RFTN1: variants seen among roughly 807,000 people sequenced by gnomAD.
The protein encoded by RFTN1 is raftlin, lipid raft linker 1.
Under a neutral mutation model 46.5 loss-of-function variants are expected in RFTN1, and 26 were observed. The ratio of observed to expected loss-of-function variants is 0.56; its 90% confidence interval spans 0.41 to 0.78. The LOEUF is 0.78. RFTN1 is among the 30% of genes least tolerant of loss of function. RFTN1 has a pLI of 0.00. For missense variants in RFTN1, 693 were observed against 718.7 expected, an observed-to-expected ratio of 0.96 and a Z score of 0.41; for synonymous variants, 261 against 284.2, an observed-to-expected ratio of 0.92 and a Z score of 0.82.
At chr3:16,420,547 C>T (rs2075164720) in intron 3 of RFTN1, among the ~76,000 whole-genome samples, 1 of 152,140 alleles carries the variant, frequency 6.6e-6, no homozygotes, top group South Asian at 2.1e-4. Context: ...TGCACATGTT[C>T]CACATTAAAC....
At position 16,317,547 on chromosome 3, in the gene RFTN1, A is replaced by AT. The variant is rs993418841; in HGVS notation, c.1333-316dup. Among the ~76,000 whole-genome samples the AT allele has an allele frequency of 1.2e-4, 18 of 152,190 alleles. No individual in the cohort carries two copies. The highest frequency in any genetic ancestry group is 8.5e-4 in the Admixed American group (13 of 15,276). ...AGGAAAGGGCTCCTAAAGTCCTATC[A>AT]TTTGGAGGGCCAGGATGGAGAGGAG... is the stretch of plus-strand genomic sequence containing the variant. On this transcript the variant is annotated intron_variant, in intron 9 of 9. Transcript: ENST00000334133. The surrounding 1 kb of genome is among the most constrained non-coding windows in gnomAD (Gnocchi z 4.3).
At chr3:16,445,481 T>TCACACACACACACA (rs752631378) in intron 2 of RFTN1, among the ~76,000 whole-genome samples, 51 of 54,948 alleles carry the variant, frequency 9.3e-4, no homozygotes, top group African/African-American at 3.4e-3. Flanking sequence ...TCTCTCTCTC[T>TCACACACACACACA]CTCACACACA....
chr3:16,423,395 CAAT>C (rs2075229441), intron 3 of RFTN1, among the ~76,000 whole-genome samples: 1 of 152,112 alleles, frequency 6.6e-6, no homozygotes, highest in Non-Finnish European at 1.5e-5. Flanking sequence ...TCCAAAATGT[CAAT>C]AGTACCAAGG....
chr3:16,344,838 G>A lies in RFTN1; in HGVS notation c.1146+13094C>T, dbSNP rs1377929724. 6.6e-6 allele frequency among the ~76,000 whole-genome samples: 1 copy of A among 152,158 alleles called. No homozygotes were observed. The highest frequency in any genetic ancestry group is 2.4e-5 in the African/African-American group (1 of 41,428). On this transcript the variant is annotated intron_variant, in intron 7 of 9. Coordinates refer to ENST00000334133, the MANE Select transcript of RFTN1 (RefSeq NM_015150.2). This position sits in a 1 kb window ranked among gnomAD's most constrained non-coding sequence, Gnocchi z 4.4. ...GTGAATTTCAAAGAACATATTTCAAGGAGTGGTAGTGAGTGAACACATAAC... is the reference window on the plus strand; with the variant it reads ...GTGAATTTCAAAGAACATATTTCAAAGAGTGGTAGTGAGTGAACACATAAC...
intron 9 of RFTN1, among the ~76,000 whole-genome samples, chr3:16,319,604 G>A (rs1177000842): frequency 6.6e-6 from 1 of 152,142 alleles, no homozygotes; most frequent in Non-Finnish European, 1.5e-5. Flanking sequence ...CTCTCTCCGG[G>A]GCTGCTCTTG....
intron 4 of RFTN1, among the ~76,000 whole-genome samples, chr3:16,388,808 C>CA (rs1575206512): frequency 6.6e-6 from 1 of 152,056 alleles, no homozygotes; most frequent in Non-Finnish European, 1.5e-5. Context: ...ATGTAGGTCC[C>CA]AAAAAACAAA....
rs1235710510 is a variant in RFTN1 at position 16,447,586 on chromosome 3, G to A, written c.146-13549C>T. Reference sequence around the variant, plus strand: ...TCCCTAATGGTGTTTGGGGGCACATGCACATGTCCCTCCCAGCTGCCTTCT... The same window carrying A: ...TCCCTAATGGTGTTTGGGGGCACATACACATGTCCCTCCCAGCTGCCTTCT... On this transcript the variant is annotated intron_variant, in intron 2 of 9. Transcript: ENST00000334133. This position sits in a 1 kb window ranked among gnomAD's most constrained non-coding sequence, Gnocchi z 5.9. 6.6e-6 allele frequency among the ~76,000 whole-genome samples: 1 copy of A among 152,200 alleles called. No homozygotes were observed. Among genetic ancestry groups the A allele is most frequent in the Non-Finnish European group, 1.5e-5 (1 of 68,028 alleles).
rs1206349331 is a variant in RFTN1, at chr3:16,442,268, T to C, written c.146-8231A>G. On this transcript the variant is annotated intron_variant, in intron 2 of 9. Transcript: ENST00000334133. This position sits in a 1 kb window ranked among gnomAD's most constrained non-coding sequence, Gnocchi z 4.1. ...TTTTAAAGTGAACTATTTGGTGGCG[T>C]TTAGTATCTTCATGATGTTGCACAA... Among the ~76,000 whole-genome samples the C allele has an allele frequency of 6.6e-6, 1 of 152,192 alleles. No individual in the cohort carries two copies. The highest frequency in any genetic ancestry group is 1.5e-5 in the Non-Finnish European group (1 of 68,030).
chr3:16,482,397 A>G (rs1392977738), intron 2 of RFTN1, among the ~76,000 whole-genome samples: 1 of 152,206 alleles, frequency 6.6e-6, no homozygotes, highest in East Asian at 1.9e-4. Flanking sequence ...TCACCAAAAC[A>G]TGCAGCCAAA....
At position 16,334,275 on chromosome 3, in the gene RFTN1, G is replaced by A. The variant is rs1186563945; in HGVS notation, c.1147-7399C>T. Among the ~76,000 whole-genome samples, 1 of 152,206 alleles carries A rather than the reference G, an allele frequency of 6.6e-6. No individual in the cohort carries two copies. The highest frequency in any genetic ancestry group is 1.5e-5 in the Non-Finnish European group (1 of 68,046). The stretch of plus-strand genomic sequence containing the variant: ...GTTAGGCAGCCCGCTTTGTTGCCAA[G>A]GCCGTGGGGAAGCATGCGTTCTTGT... On this transcript the variant is annotated intron_variant, in intron 7 of 9. Transcript: ENST00000334133. This position sits in a 1 kb window ranked among gnomAD's most constrained non-coding sequence, Gnocchi z 4.3.
chr3:16,428,150 A>T lies in RFTN1; in HGVS notation c.332+5701T>A, dbSNP rs2075319855. Among the ~76,000 whole-genome samples, 1 of 152,246 alleles carries T rather than the reference A, an allele frequency of 6.6e-6. No homozygotes were observed. ...ATCCAAACAAAAGGGATAAATGTTT[A>T]CCACTTAAAACAGTGCCAGTTATTC... On this transcript the variant is annotated intron_variant, in intron 3 of 9. Coordinates refer to ENST00000334133, the MANE Select transcript of RFTN1 (RefSeq NM_015150.2). The surrounding 1 kb of genome is among the most constrained non-coding windows in gnomAD (Gnocchi z 4.7).
Position 16,509,193 on chromosome 3 carries a change from C to G in RFTN1, c.-9+4249G>C, listed in dbSNP as rs2076859066. ...CAGTAAGCTTAAGACAAAATGAAAA[C>G]AAACAAACAACAACAAAAAAAAACT... On this transcript the variant is annotated intron_variant, in intron 1 of 9. Coordinates refer to ENST00000334133, the MANE Select transcript of RFTN1 (RefSeq NM_015150.2). This position sits in a 1 kb window ranked among gnomAD's most constrained non-coding sequence, Gnocchi z 4.9. Among the ~76,000 whole-genome samples, 1 of 151,926 alleles carries G rather than the reference C, an allele frequency of 6.6e-6. No homozygotes were observed. Among genetic ancestry groups the G allele is most frequent in the Non-Finnish European group, 1.5e-5 (1 of 67,984 alleles).
At chr3:16,357,862 C>T in intron 7 of RFTN1, 70 bp downstream of exon 7, 1 of 954,914 alleles carries the variant, frequency 1.0e-6, no homozygotes. Flanking sequence ...GCCCCACGGT[C>T]AGATCAAGCA....
At chr3:16,493,463 C>T (rs962690178) in intron 2 of RFTN1, among the ~76,000 whole-genome samples, 3 of 152,170 alleles carry the variant, frequency 2.0e-5, no homozygotes, top group Non-Finnish European at 2.9e-5. Context: ...GAACTCCTGA[C>T]CTCAGGTGAT....
chr3:16,511,985 A>C (rs2125019795), intron 1 of RFTN1, among the ~76,000 whole-genome samples: 1 of 152,136 alleles, frequency 6.6e-6, no homozygotes, highest in East Asian at 1.9e-4. Flanking sequence ...GCTTTGAATC[A>C]CTCAGGCGGG....
chr3:16,456,963 C>G (rs958084111), intron 2 of RFTN1, among the ~76,000 whole-genome samples: 3 of 152,100 alleles, frequency 2.0e-5, no homozygotes, highest in African/African-American at 4.8e-5. Context: ...CCACTTCTGT[C>G]ATAAAAACAA....
At position 16,342,134 on chromosome 3, in the gene RFTN1, T is replaced by C. The variant is rs1381146074; in HGVS notation, c.1147-15258A>G. Among the ~76,000 whole-genome samples, 1 of 152,166 alleles carries C rather than the reference T, an allele frequency of 6.6e-6. No individual in the cohort carries two copies. The highest frequency in any genetic ancestry group is 6.5e-5 in the Admixed American group (1 of 15,276). ...CAGAGTTATACAACCATCACCACAA[T>C]CTAAGTTTAGACCACTTTCATCACC... On this transcript the variant is annotated intron_variant, in intron 7 of 9. Transcript: ENST00000334133. The surrounding 1 kb of genome is among the most constrained non-coding windows in gnomAD (Gnocchi z 4.0).
intron 6 of RFTN1, among the ~76,000 whole-genome samples, chr3:16,365,525 G>T (rs796864430): frequency 5.6e-4 from 76 of 135,674 alleles, no homozygotes; most frequent in African/African-American, 2.1e-3. Flanking sequence ...GGATATGCTA[G>T]GTGTCAAAAA....
chr3:16,381,862 T>TCA lies in RFTN1; in HGVS notation c.442-3762_442-3761dup, dbSNP rs1303495847. Among the ~76,000 whole-genome samples the TCA allele has an allele frequency of 3.3e-5, 5 of 152,228 alleles. No individual in the cohort carries two copies. Among genetic ancestry groups the TCA allele is most frequent in the African/African-American group, 1.2e-4 (5 of 41,532 alleles). On this transcript the variant is annotated intron_variant, in intron 4 of 9. Transcript: ENST00000334133. The surrounding 1 kb of genome is among the most constrained non-coding windows in gnomAD (Gnocchi z 4.2). ...CTTGGATCCATGCCCGCAAAGGCTC[T>TCA]CAGTTCACCCTGCAGGCCAGCATAT...
Sources: allele counts gnomAD v4.1 joint callset (sites outside exome capture counted in the v4.1 genomes callset), GRCh38; gene constraint gnomAD v4.1.1; non-coding constraint Gnocchi (gnomAD v3.1); transcripts MANE v1.5; gene names NCBI Gene and HGNC (gene_info 2026-07-23, HGNC 2026-07-21).